The following ARID1A variants were observed in gnomAD, a reference collection of about 807,000 sequenced individuals.
ARID1A encodes the protein AT-rich interactive domain-containing protein 1A.
ARID1A carries 20 observed loss-of-function variants against 212.6 expected under a neutral mutation model. That is an observed-to-expected ratio of 0.09 (90% CI 0.07 to 0.14). The LOEUF is 0.14. ARID1A is among the 10% of genes least tolerant of loss of function. The pLI is 1.00. For missense variants in ARID1A, 2,587 were observed against 3,059.0 expected (o/e 0.85, Z 3.64); for synonymous variants, 1,376 against 1,222.1 (o/e 1.13, Z -2.63).
chr1:26,699,108 G>C (rs1207463829), intron 1 of ARID1A, among the ~76,000 whole-genome samples: 1 of 152,146 alleles, frequency 6.6e-6, no homozygotes, highest in South Asian at 2.1e-4. Context: ...TTTGTCATCA[G>C]TCATTTTAGA....
At chr1:26,777,159 G>T (rs1278619253) in intron 19 of ARID1A, among the ~76,000 whole-genome samples, 1 of 152,040 alleles carries the variant, frequency 6.6e-6, no homozygotes, top group African/African-American at 2.4e-5. Flanking sequence ...CAAACTCCTG[G>T]GCTCAAGCGA....
chr1:26,766,718 GA>G (rs1366201793), intron 10 of ARID1A, 152 bp downstream of exon 10: 4 of 815,350 alleles, frequency 4.9e-6, no homozygotes, highest in Non-Finnish European at 7.6e-6. Flanking sequence ...CTCTTATCAT[GA>G]AAGGTCCCAG....
At position 26,773,404 on chromosome 1, in the gene ARID1A, C is replaced by T. The variant is rs774942669; in HGVS notation, c.3774C>T (p.Asp1258=). 6.2e-7 allele frequency: 1 copy of T among 1,612,746 alleles called. No individual in the cohort carries two copies. The highest frequency in any genetic ancestry group is 1.3e-5 in the African/African-American group (1 of 74,910). ...AGGGCCCCAACGGCGGGATGGGTGACCCCTACAGTCGTGCTGCCGGCCCTG... is the reference window on the plus strand; with the variant it reads ...AGGGCCCCAACGGCGGGATGGGTGATCCCTACAGTCGTGCTGCCGGCCCTG... ...SGQGPNGGMG[D]PYSRAAGPGL... The change falls in exon 15 of 20, where the codon GAC becomes GAT. Residue 1258 remains aspartate (D), a synonymous_variant. Transcript: ENST00000324856.
intron 14 of ARID1A, 132 bp downstream of exon 14, chr1:26,773,119 C>T: frequency 7.6e-7 from 1 of 1,316,288 alleles, no homozygotes; most frequent in East Asian, 2.4e-5. Context: ...GCCCTAACTA[C>T]CCCTCTTCAT....
Position 26,774,273 on chromosome 1 carries a change from G to C in ARID1A, c.4102-56G>C, listed in dbSNP as rs1298974132. 9.9e-6 allele frequency: 15 copies of C among 1,509,308 alleles called. No individual in the cohort carries two copies. The highest frequency in any genetic ancestry group is 1.2e-5 in the Non-Finnish European group (14 of 1,130,480). The allele number at this position is 1,509,308 out of a possible 1,614,324, so 93.5% of individuals were successfully genotyped here. On this transcript the variant is annotated intron_variant, in intron 17 of 19. Coordinates refer to ENST00000324856, the MANE Select transcript of ARID1A (RefSeq NM_006015.6). The surrounding 1 kb of genome is among the most constrained non-coding windows in gnomAD (Gnocchi z 5.6). ...GTTGTAGCCATCTTGGCATCTGTGG[G>C]CTTTATGTCCCTGAGTGCAGAGTAT...
chr1:26,759,039 C>T (rs1351094729), intron 4 of ARID1A, among the ~76,000 whole-genome samples: 2 of 63,914 alleles, frequency 3.1e-5, no homozygotes, highest in African/African-American at 7.1e-5. Flanking sequence ...CTAAAAGCTG[C>T]CCTCTGACCT....
At chr1:26,739,898 T>C (rs540940611) in intron 4 of ARID1A, among the ~76,000 whole-genome samples, 1 of 152,140 alleles carries the variant, frequency 6.6e-6, no homozygotes, top group South Asian at 2.1e-4. Context: ...TCTCACCTGG[T>C]GTCTTGCCAC....
chr1:26,754,307 T>TA (rs2080909654), intron 4 of ARID1A, among the ~76,000 whole-genome samples: 1 of 152,168 alleles, frequency 6.6e-6, no homozygotes, highest in Non-Finnish European at 1.5e-5. Context: ...TTCATGTAGA[T>TA]AGAGGGGCAG....
chr1:26,697,489 G>A lies in ARID1A; in HGVS notation c.1086G>A (p.Met362Ile), dbSNP rs1353699983. Residue 362 changes from methionine to isoleucine, a missense_variant, in exon 1 of 20, where the codon ATG becomes ATA. By Grantham distance (10) the Met-to-Ile change is conservative. Around this residue, in one of 11 missense-constraint regions of ARID1A, gnomAD observed 735 missense variants for 590.6 expected, o/e 1.24. Transcript: ENST00000324856. ...AACAAAGGAGCCACCACGCGCCCAT[G>A]AGCCCCGGGAGCAGCGGCGGCGGGG... The part of the protein sequence containing the change: ...GAQQRSHHAP[M>I]SPGSSGGGGQ... 5.0e-6 allele frequency: 7 copies of A among 1,402,626 alleles called. No homozygotes were observed. Among genetic ancestry groups the A allele is most frequent in the East Asian group, 6.1e-5 (2 of 32,800 alleles). The allele number at this position is 1,402,626 out of a possible 1,614,324, so 86.9% of individuals were successfully genotyped here. A position where few individuals can be genotyped will look rare whatever the true frequency, so the allele number is the denominator to read the frequency against.
At chr1:26,709,290 C>T (rs898554378) in intron 1 of ARID1A, among the ~76,000 whole-genome samples, 5 of 152,190 alleles carry the variant, frequency 3.3e-5, no homozygotes, top group Admixed American at 6.5e-5. Flanking sequence ...ACTCTCCAGC[C>T]GTCCTTTTCA....
At chr1:26,763,344 A>C in intron 8 of ARID1A, 59 bp downstream of exon 8, 3 of 1,483,150 alleles carry the variant, frequency 2.0e-6, no homozygotes, top group Non-Finnish European at 2.7e-6. Flanking sequence ...AGACCCACTC[A>C]GATTATTGAG....
intron 4 of ARID1A, among the ~76,000 whole-genome samples, chr1:26,744,621 G>A (rs760176213): frequency 4.6e-5 from 7 of 152,268 alleles, no homozygotes; most frequent in Non-Finnish European, 7.4e-5. Flanking sequence ...TGATTCTTTT[G>A]TACCTGGAGC....
chr1:26,733,790 C>A (rs1216325227), intron 4 of ARID1A, among the ~76,000 whole-genome samples: 1 of 152,174 alleles, frequency 6.6e-6, no homozygotes, highest in Non-Finnish European at 1.5e-5. Flanking sequence ...AGATAAGAAT[C>A]TTTTGGAATT....
In ARID1A at chr1:26,774,159, G is replaced by A. The variant is rs1027672177; in HGVS notation, c.4102-170G>A. Reference sequence around the variant, plus strand: ...CTTAAGCAAGGGAAGGGAAGAAAGAGTGGTGGTTGCTTTTGGAAACAACTT... The same window carrying A: ...CTTAAGCAAGGGAAGGGAAGAAAGAATGGTGGTTGCTTTTGGAAACAACTT... On this transcript the variant is annotated intron_variant, in intron 17 of 19. Coordinates refer to ENST00000324856, the MANE Select transcript of ARID1A (RefSeq NM_006015.6). This position sits in a 1 kb window ranked among gnomAD's most constrained non-coding sequence, Gnocchi z 5.6. The A allele has an allele frequency of 3.8e-6, 5 of 1,304,612 alleles. No homozygotes were observed. Among genetic ancestry groups the A allele is most frequent in the Non-Finnish European group, 5.1e-6 (5 of 974,848 alleles). The allele number at this position is 1,304,612 out of a possible 1,614,324, so 80.8% of individuals were successfully genotyped here. A position where few individuals can be genotyped will look rare whatever the true frequency, so the allele number is the denominator to read the frequency against.
chr1:26,712,530 A>T (rs189234743), intron 1 of ARID1A, among the ~76,000 whole-genome samples: 5,119 of 151,972 alleles, frequency 0.034, 136 homozygotes, highest in Middle Eastern at 0.082. Context: ...CTTAAAAAAA[A>T]TTTTTTTTAA....
At chr1:26,726,328 C>T (rs1570571085) in intron 1 of ARID1A, among the ~76,000 whole-genome samples, 1 of 152,100 alleles carries the variant, frequency 6.6e-6, no homozygotes, top group East Asian at 1.9e-4. Context: ...CATGTGCCGC[C>T]ACACCCAGCT....
chr1:26,755,944 T>C (rs1016207948), intron 4 of ARID1A, among the ~76,000 whole-genome samples: 1 of 151,872 alleles, frequency 6.6e-6, no homozygotes, highest in Non-Finnish European at 1.5e-5. Context: ...AGGGTTTCAC[T>C]ATGTTAGCCA....
At chr1:26,750,433 C>T (rs2080874034) in intron 4 of ARID1A, among the ~76,000 whole-genome samples, 1 of 152,182 alleles carries the variant, frequency 6.6e-6, no homozygotes, top group Non-Finnish European at 1.5e-5. Flanking sequence ...TGTTGGAGCA[C>T]CTCTGTGGCC....
At chr1:26,704,939 CT>C (rs1053911522) in intron 1 of ARID1A, among the ~76,000 whole-genome samples, 3 of 151,992 alleles carry the variant, frequency 2.0e-5, no homozygotes, top group Non-Finnish European at 4.4e-5. Context: ...ATGCTTAATC[CT>C]TGTGGAGCCT....
Sources: gnomAD v4.1 joint callset for allele counts (sites outside exome capture counted in the v4.1 genomes callset) on GRCh38, gnomAD v4.1.1 for gene constraint, gnomAD v4.1.1 regional missense constraint, Gnocchi (gnomAD v3.1) non-coding constraint, MANE v1.5 for transcripts, NCBI Gene and HGNC (gene_info 2026-07-23, HGNC 2026-07-21) for gene names.